Variants in SLC60A1 observed in about 807,000 individuals in gnomAD.
SLC60A1 encodes solute carrier family 60 member 1.
At chr1:205,573,857 C>T in the SLC60A1 span, among the ~76,000 whole-genome samples, 2 of 152,086 alleles carry the variant, frequency 1.3e-5, no homozygotes, top group South Asian at 4.1e-4. Flanking sequence ...GCTGCCACAC[C>T]CAGCTAATTT....
the SLC60A1 span, among the ~76,000 whole-genome samples, chr1:205,576,215 A>G: frequency 6.6e-6 from 1 of 152,116 alleles, no homozygotes; most frequent in African/African-American, 2.4e-5. Flanking sequence ...GGGAGGGTAG[A>G]ATCTGGGAGC....
the SLC60A1 span, among the ~76,000 whole-genome samples, chr1:205,584,476 G>A: frequency 2.0e-5 from 3 of 150,460 alleles, no homozygotes; most frequent in South Asian, 4.2e-4. Context: ...CATCTGCCTC[G>A]GCCTCCCAAA....
the SLC60A1 span, among the ~76,000 whole-genome samples, chr1:205,590,607 G>A: frequency 6.6e-6 from 1 of 152,156 alleles, no homozygotes; most frequent in Non-Finnish European, 1.5e-5. Context: ...CACCGGCTTT[G>A]ATTTTCCAAT....
the SLC60A1 span, among the ~76,000 whole-genome samples, chr1:205,585,820 C>G: frequency 2.0e-5 from 3 of 152,138 alleles, no homozygotes; most frequent in Non-Finnish European, 4.4e-5. The surrounding 1 kb of genome is among the most constrained non-coding windows in gnomAD (Gnocchi z 4.2). Context: ...ACAGTGCAGT[C>G]TGTAAGCTAA....
chr1:205,576,281 C>G, the SLC60A1 span, among the ~76,000 whole-genome samples: 1 of 152,178 alleles, frequency 6.6e-6, no homozygotes, highest in Non-Finnish European at 1.5e-5. Context: ...CCCAACATTG[C>G]TCTTTGGGGA....
chr1:205,598,238 G>A, the SLC60A1 span: 35,526 of 173,772 alleles, frequency 0.2, 4,020 homozygotes, highest in Non-Finnish European at 0.23. Context: ...ACAGCCTCTG[G>A]CCACCCTGCA....
chr1:205,586,557 C>T, the SLC60A1 span, among the ~76,000 whole-genome samples: 1 of 152,186 alleles, frequency 6.6e-6, no homozygotes, highest in African/African-American at 2.4e-5. Context: ...CCCTGGTCCT[C>T]CTGTGTTTAC....
chr1:205,597,725 T>C, the SLC60A1 span: 2 of 1,594,804 alleles, frequency 1.3e-6, no homozygotes, highest in Non-Finnish European at 1.7e-6. Flanking sequence ...ATTGTAATGC[T>C]GGCTTCTGTC....
chr1:205,586,102 T>C, the SLC60A1 span: 1 of 1,613,628 alleles, frequency 6.2e-7, no homozygotes, highest in Non-Finnish European at 8.5e-7. Context: ...ACAAGGTGGC[T>C]GGCTACCTCC....
chr1:205,593,609 A>G, the SLC60A1 span, among the ~76,000 whole-genome samples: 20 of 152,248 alleles, frequency 1.3e-4, no homozygotes, highest in East Asian at 3.7e-3. Flanking sequence ...ATTTTAGCAC[A>G]TAACATCACC....
chr1:205,584,216 TG>T, the SLC60A1 span: 1 of 1,152,834 alleles, frequency 8.7e-7, no homozygotes, highest in Non-Finnish European at 1.2e-6. Context: ...AGATCACAGG[TG>T]ATTTTTTTTT....
At chr1:205,573,437 A>G in the SLC60A1 span, among the ~76,000 whole-genome samples, 1 of 152,092 alleles carries the variant, frequency 6.6e-6, no homozygotes, top group African/African-American at 2.4e-5. Context: ...GAAAAAAAAA[A>G]AGTGGTATAT....
At chr1:205,580,205 C>CCCTCTCCTT in the SLC60A1 span, among the ~76,000 whole-genome samples, 1 of 151,850 alleles carries the variant, frequency 6.6e-6, no homozygotes, top group Non-Finnish European at 1.5e-5. This position sits in a 1 kb window ranked among gnomAD's most constrained non-coding sequence, Gnocchi z 5.0. Context: ...GGCTTGCCTC[C>CCCTCTCCTT]CCTCTCCTTC....
the SLC60A1 span, chr1:205,569,028 G>A: frequency 8.5e-7 from 1 of 1,177,924 alleles, no homozygotes; most frequent in Non-Finnish European, 1.1e-6. Context: ...CTCGGGCACC[G>A]GGCTCGCCGG....
chr1:205,576,262 T>G, the SLC60A1 span, among the ~76,000 whole-genome samples: 1 of 152,132 alleles, frequency 6.6e-6, no homozygotes, highest in Non-Finnish European at 1.5e-5. Context: ...CTCAGTGCAG[T>G]TCTCTGGGCC....
At chr1:205,599,333 T>A in the SLC60A1 span, 1 of 1,539,318 alleles carries the variant, frequency 6.5e-7, no homozygotes, top group Non-Finnish European at 8.8e-7. Context: ...ATGCTATGGA[T>A]CTTAACGTGC....
chr1:205,584,066 C>T, the SLC60A1 span: 4 of 1,614,088 alleles, frequency 2.5e-6, no homozygotes, highest in Admixed American at 1.7e-5. Context: ...CTTGGAGACA[C>T]AGCCTCCTGA....
the SLC60A1 span, among the ~76,000 whole-genome samples, chr1:205,574,798 C>G: frequency 2.0e-5 from 3 of 152,238 alleles, no homozygotes; most frequent in African/African-American, 7.2e-5. Flanking sequence ...CAACCAACAT[C>G]TAAGGAGCAC....
the SLC60A1 span, chr1:205,592,216 G>C: frequency 1.2e-6 from 2 of 1,614,050 alleles, no homozygotes; most frequent in African/African-American, 2.7e-5. Flanking sequence ...GGGACGGCAA[G>C]CCTGGGCCTG....
Sources: allele counts gnomAD v4.1 joint callset (sites outside exome capture counted in the v4.1 genomes callset), GRCh38; gene constraint gnomAD v4.1.1; non-coding constraint Gnocchi (gnomAD v3.1); transcripts MANE v1.5; gene names NCBI Gene and HGNC (gene_info 2026-07-23, HGNC 2026-07-21).